CSMD3: variants seen among roughly 807,000 people sequenced by gnomAD.
CSMD3 encodes CUB and Sushi multiple domains 3.
Under a neutral mutation model 435.2 loss-of-function variants are expected in CSMD3, and 177 were observed. The observed-to-expected ratio is 0.41, with a 90% CI of 0.36 to 0.46. The LOEUF (loss-of-function observed/expected upper bound fraction) is 0.46, where lower values mean the gene tolerates loss of function less well. Ranked by LOEUF, CSMD3 falls within the 20% of genes least tolerant of loss-of-function variation. The pLI is 0.34. For missense variants in CSMD3, 4,265 were observed against 4,504.6 expected (o/e 0.95, Z 1.52); for synonymous variants, 1,656 against 1,520.5 (o/e 1.09, Z -2.07).
At chr8:113,316,175 A>C (rs553774750) in intron 1 of CSMD3, among the ~76,000 whole-genome samples, 1 of 152,248 alleles carries the variant, frequency 6.6e-6, no homozygotes, top group South Asian at 2.1e-4. Context: ...TCTCATGAGA[A>C]ACTCTTCACC....
intron 10 of CSMD3, among the ~76,000 whole-genome samples, chr8:112,890,704 T>C (rs940408888): frequency 3.3e-5 from 5 of 151,730 alleles, no homozygotes; most frequent in Non-Finnish European, 1.5e-5. Context: ...TTCACTAATA[T>C]GCGACTTTCA....
chr8:113,223,457 T>C (rs988631272), intron 3 of CSMD3, among the ~76,000 whole-genome samples: 1 of 150,534 alleles, frequency 6.6e-6, no homozygotes, highest in Non-Finnish European at 1.5e-5. Context: ...CTCAGTATGG[T>C]TGCAACAAAC....
At chr8:112,330,551 A>T (rs1035611399) in intron 45 of CSMD3, among the ~76,000 whole-genome samples, 11 of 151,968 alleles carry the variant, frequency 7.2e-5, no homozygotes, top group African/African-American at 9.7e-5. Flanking sequence ...TCTCAATAAA[A>T]TTTTTTCTCT....
intron 27 of CSMD3, among the ~76,000 whole-genome samples, chr8:112,537,043 T>A (rs552970976): frequency 2.0e-5 from 3 of 151,938 alleles, no homozygotes; most frequent in African/African-American, 7.3e-5. Context: ...GGGGGAGGGA[T>A]AGCATTAGGA....
At chr8:113,086,540 C>A (rs540231842) in intron 5 of CSMD3, among the ~76,000 whole-genome samples, 1 of 151,582 alleles carries the variant, frequency 6.6e-6, no homozygotes, top group Non-Finnish European at 1.5e-5. Context: ...TTATTGGGAG[C>A]TTTTGACTTG....
At chr8:112,314,769 TATG>T in intron 47 of CSMD3, 152 bp from the exon 48 acceptor site, 2 of 662,728 alleles carry the variant, frequency 3.0e-6, no homozygotes, top group South Asian at 1.7e-5. Flanking sequence ...GTATTAAACT[TATG>T]ATTCAAAAGC....
intron 7 of CSMD3, among the ~76,000 whole-genome samples, chr8:112,958,321 T>G (rs1350951114): frequency 1.3e-5 from 2 of 152,240 alleles, no homozygotes; most frequent in Non-Finnish European, 2.9e-5. Context: ...TTTAAAATTT[T>G]TCATTACATG....
chr8:113,254,753 AT>A (rs143627418), intron 3 of CSMD3, among the ~76,000 whole-genome samples: 17,030 of 151,918 alleles, frequency 0.11, 1,539 homozygotes, highest in African/African-American at 0.25. Context: ...GTATATAAAA[AT>A]AAAAATTGTT....
intron 3 of CSMD3, among the ~76,000 whole-genome samples, chr8:113,212,229 A>T (rs1326610714): frequency 6.6e-6 from 1 of 152,156 alleles, no homozygotes; most frequent in Admixed American, 6.5e-5. Flanking sequence ...GTTATCAAAG[A>T]CAATAGATTA....
intron 1 of CSMD3, among the ~76,000 whole-genome samples, chr8:113,395,608 CA>C (rs34549872): frequency 0.053 from 5,862 of 110,614 alleles, 93 homozygotes; most frequent in African/African-American, 0.072. Context: ...GACTCCGTCT[CA>C]AAAAAAAAAA....
intron 5 of CSMD3, among the ~76,000 whole-genome samples, chr8:113,082,251 AC>A (rs2089595809): frequency 6.6e-6 from 1 of 151,682 alleles, no homozygotes; most frequent in Non-Finnish European, 1.5e-5. Flanking sequence ...GGGGCCCATC[AC>A]CCCCACTGCT....
Position 112,947,791 on chromosome 8 carries a change from TAA to T in CSMD3, c.1505_1506del (p.Phe502Ter). 7.6e-7 allele frequency: 1 copy of T among 1,316,374 alleles called. No homozygotes were observed. Among genetic ancestry groups the T allele is most frequent in the Non-Finnish European group, 1.1e-6 (1 of 911,126 alleles). 81.5% of individuals were successfully genotyped at this position (1,316,374 alleles called of 1,614,324 possible). On this transcript the variant is annotated frameshift_variant and splice_region_variant, in exon 9 of 71. Transcript: ENST00000297405. LOFTEE classifies it high-confidence loss of function. ...GAAGTCAATATTTTAAAATATTACC[TAA>T]AATCTGATCCGATTCTCTTCCCATT... is the stretch of plus-strand genomic sequence containing the variant. ...PENGKRIGSDFSLGSTVQFSC... is the reference protein window; with the variant it reads ...PENGKRIGSDXSLGSTVQFSC...
intron 22 of CSMD3, among the ~76,000 whole-genome samples, chr8:112,594,323 G>A (rs1188677024): frequency 2.0e-5 from 3 of 152,130 alleles, no homozygotes; most frequent in African/African-American, 2.4e-5. Context: ...CTTAAAAAAC[G>A]GCGCACCACG....
chr8:112,924,531 T>G (rs2082851354), intron 9 of CSMD3, among the ~76,000 whole-genome samples: 1 of 152,086 alleles, frequency 6.6e-6, no homozygotes, highest in African/African-American at 2.4e-5. Context: ...ACATCTTGTT[T>G]AAGTGATAGG....
chr8:112,629,460 TTTGCTTA>T (rs2074453325), intron 22 of CSMD3, among the ~76,000 whole-genome samples: 1 of 152,162 alleles, frequency 6.6e-6, no homozygotes, highest in African/African-American at 2.4e-5. Context: ...AAATCATTTG[TTTGCTTA>T]TGTAAACACA....
chr8:112,676,153 C>T (rs1246875648), intron 16 of CSMD3, among the ~76,000 whole-genome samples: 1 of 152,054 alleles, frequency 6.6e-6, no homozygotes, highest in Non-Finnish European at 1.5e-5. Flanking sequence ...CTATTAAACA[C>T]TTAAGTGCAG....
At chr8:112,375,068 T>C (rs566196512) in intron 38 of CSMD3, among the ~76,000 whole-genome samples, 88 of 152,306 alleles carry the variant, frequency 5.8e-4, no homozygotes, top group Admixed American at 9.2e-4. Context: ...CACCAATGTA[T>C]CATTTGTTCT....
chr8:112,976,280 C>G (rs1177199624), intron 6 of CSMD3, 132 bp from the exon 7 acceptor site: 5 of 1,025,446 alleles, frequency 4.9e-6, no homozygotes, highest in Non-Finnish European at 5.8e-6. Flanking sequence ...AAAACACAAA[C>G]ACGCGAGTAA....
Position 113,277,493 on chromosome 8 carries a change from T to C in CSMD3, c.514+1099A>G, listed in dbSNP as rs1339805392. Among the ~76,000 whole-genome samples, 3 of 152,138 alleles carry C rather than the reference T, an allele frequency of 2.0e-5. No homozygotes were observed. In the East Asian group the frequency reaches 5.8e-4, roughly 29 times the overall value. ...CTAGTGAAAAATACTGTACTAGAAT[T>C]AGTGTTTAGTTTAAGACATTCCCTT... On this transcript the variant is annotated intron_variant, in intron 3 of 70. Transcript: ENST00000297405.
Sources: allele counts gnomAD v4.1 joint callset (sites outside exome capture counted in the v4.1 genomes callset), GRCh38; gene constraint gnomAD v4.1.1; transcripts MANE v1.5; gene names NCBI Gene and HGNC (gene_info 2026-07-23, HGNC 2026-07-21).